The following MS4A5 variants were observed in gnomAD, a reference collection of about 807,000 sequenced individuals.
MS4A5 encodes the protein membrane spanning 4-domains A5, also known as membrane-spanning 4-domains subfamily A member 5.
Under a neutral mutation model 18.2 loss-of-function variants are expected in MS4A5, and 15 were observed. The observed-to-expected ratio is 0.83, with a 90% CI of 0.55 to 1.27. The LOEUF (loss-of-function observed/expected upper bound fraction) is 1.27, where lower values mean the gene tolerates loss of function less well. Among genes scored for constraint, MS4A5 ranks in the 50% most tolerant of loss-of-function variants. MS4A5 has a pLI of 0.00. For synonymous variants in MS4A5, 89 were observed against 78.7 expected (o/e 1.13, Z -0.69); for missense variants, 232 against 225.7 (o/e 1.03, Z -0.18).
chr11:60,444,677 T>C (rs2086130331), intron 4 of MS4A5, among the ~76,000 whole-genome samples: 1 of 152,156 alleles, frequency 6.6e-6, no homozygotes, highest in Non-Finnish European at 1.5e-5. Flanking sequence ...ACATTATTAA[T>C]CATCAGATAA....
intron 4 of MS4A5, among the ~76,000 whole-genome samples, chr11:60,436,924 C>T (rs1197618976): frequency 1.5e-5 from 2 of 132,190 alleles, no homozygotes; most frequent in East Asian, 4.2e-4. Context: ...ACAGAGAACG[C>T]CACAAAGATA....
intron 1 of MS4A5, 83 bp from the exon 2 acceptor site, chr11:60,430,713 T>G: frequency 2.0e-6 from 3 of 1,528,598 alleles, no homozygotes; most frequent in Non-Finnish European, 2.7e-6. Context: ...TGCCAAATCC[T>G]TTTGACCAAA....
intron 4 of MS4A5, 57 bp from the exon 5 acceptor site, chr11:60,447,592 C>G (rs1244918979): frequency 2.1e-6 from 2 of 934,976 alleles, no homozygotes; most frequent in Non-Finnish European, 3.2e-6. Flanking sequence ...ATCAGGAAAA[C>G]CGTTACTGTG....
Position 60,447,763 on chromosome 11 carries a change from G to C in MS4A5, c.*4G>C. The C allele has an allele frequency of 1.3e-6, 2 of 1,510,106 alleles. No homozygotes were observed. The highest frequency in any genetic ancestry group is 9.1e-7 in the Non-Finnish European group (1 of 1,100,374). The allele number at this position is 1,510,106 out of a possible 1,614,324, so 93.5% of individuals were successfully genotyped here. A position where few individuals can be genotyped will look rare whatever the true frequency, so the allele number is the denominator to read the frequency against. ...TGATTGTGAACAATGTTGTTGACTA[G>C]CACTGTGAGAATAAAGATGTGTTAA... is the stretch of plus-strand genomic sequence containing the variant. On this transcript the variant is annotated 3_prime_UTR_variant, in exon 5 of 5. Transcript: ENST00000300190.
chr11:60,442,717 C>T (rs931995880), intron 4 of MS4A5, among the ~76,000 whole-genome samples: 3 of 152,198 alleles, frequency 2.0e-5, no homozygotes, highest in African/African-American at 7.2e-5. Flanking sequence ...TACAACAGAT[C>T]TCTTGAACTT....
intron 4 of MS4A5, among the ~76,000 whole-genome samples, chr11:60,439,924 A>C (rs2086101140): frequency 9.0e-6 from 1 of 110,746 alleles, no homozygotes; most frequent in Non-Finnish European, 1.9e-5. Context: ...GGAAAAAACT[A>C]TTTTAAAGTT....
chr11:60,434,025 T>C, intron 4 of MS4A5, 108 bp downstream of exon 4: 1 of 968,018 alleles, frequency 1.0e-6, no homozygotes. Context: ...TGTATTTTCT[T>C]TTACTGACAA....
chr11:60,430,827 T>C lies in MS4A5; in HGVS notation c.185T>C (p.Phe62Ser). The C allele has an allele frequency of 6.2e-7, 1 of 1,613,324 alleles. No homozygotes were observed. The highest frequency in any genetic ancestry group is 8.5e-7 in the Non-Finnish European group (1 of 1,179,898). ...CAGATCCTGTTTGGAATTATGACCT[T>C]TTCTTTTGGAGTTATCTTCCTTTTC... ...TIQILFGIMT[F>S]SFGVIFLFTL... is the part of the protein sequence containing the mutation. Residue 62 changes from phenylalanine to serine, a missense_variant, in exon 2 of 5, where the codon TTT becomes TCT. Transcript: ENST00000300190.
In MS4A5 at chr11:60,436,483, G is replaced by C. The variant is rs2086081355; in HGVS notation, c.492+2566G>C. On this transcript the variant is annotated intron_variant, in intron 4 of 4. Coordinates refer to ENST00000300190, the MANE Select transcript of MS4A5 (RefSeq NM_023945.3). ...ACGATCAAATTACTCTGAGCTATGG[G>C]AGGACATTCAAACCAAAGGCAAAGA... Among the ~76,000 whole-genome samples the C allele has an allele frequency of 1.5e-5, 2 of 136,980 alleles. 1 individual carries two copies. The highest frequency in any genetic ancestry group is 4.7e-4 in the South Asian group (2 of 4,236). 89.9% of individuals were successfully genotyped at this position (136,980 alleles called of 152,430 possible). A position where few individuals can be genotyped will look rare whatever the true frequency, so the allele number is the denominator to read the frequency against.
At position 60,429,841 on chromosome 11, in the gene MS4A5, G is replaced by T. The variant is rs759870217; in HGVS notation, c.153+14G>T. On this transcript the variant is annotated intron_variant, in intron 1 of 4. Coordinates refer to ENST00000300190, the MANE Select transcript of MS4A5 (RefSeq NM_023945.3). Reference sequence around the variant, plus strand: ...AAAATCTTAGGGGTAAGTAAGACTTGCCCCTATGTATATTTTACTGAGGCA... The same window carrying T: ...AAAATCTTAGGGGTAAGTAAGACTTTCCCCTATGTATATTTTACTGAGGCA... 12 of 1,608,398 alleles carry T rather than the reference G, an allele frequency of 7.5e-6. No homozygotes were observed. The East Asian group carries it at 1.1e-4, about 15-fold the overall frequency.
rs370526625 is a variant in MS4A5, at chr11:60,433,795, A to T, written c.370A>T (p.Ser124Cys). ...ATTGAGCCGAATAATGAATTTTCTT[A>T]GTGCCCTGGGAGCAATAGCTGGAAT... ...IILSRIMNFL[S>C]ALGAIAGIIL... The change falls in exon 4 of 5, where the codon AGT (serine) becomes TGT (cysteine). Residue 124 changes from serine (S) to cysteine (C), a missense_variant. Ser to Cys is a moderately radical substitution (Grantham distance 112). Transcript: ENST00000300190. 6 of 1,613,862 alleles carry T rather than the reference A, an allele frequency of 3.7e-6. No individual in the cohort carries two copies. The highest frequency in any genetic ancestry group is 5.1e-6 in the Non-Finnish European group (6 of 1,179,832).
chr11:60,435,002 A>C (rs557545068), intron 4 of MS4A5, among the ~76,000 whole-genome samples: 1 of 152,372 alleles, frequency 6.6e-6, no homozygotes, highest in South Asian at 2.1e-4. Flanking sequence ...CGCTGAACAA[A>C]GTTTAAAAAG....
At chr11:60,442,848 G>A (rs913722377) in intron 4 of MS4A5, among the ~76,000 whole-genome samples, 47 of 152,216 alleles carry the variant, frequency 3.1e-4, no homozygotes, top group Non-Finnish European at 5.6e-4. Context: ...CTTCAAAAAT[G>A]AAAGTGAAAT....
intron 4 of MS4A5, among the ~76,000 whole-genome samples, chr11:60,438,152 A>G (rs1224063912): frequency 6.6e-6 from 1 of 152,108 alleles, no homozygotes; most frequent in Non-Finnish European, 1.5e-5. Context: ...TGGAAACAGA[A>G]CAACCTGCTC....
At chr11:60,441,289 A>AG (rs1179211853) in intron 4 of MS4A5, among the ~76,000 whole-genome samples, 28 of 100,342 alleles carry the variant, frequency 2.8e-4, no homozygotes, top group African/African-American at 8.8e-4. Context: ...GGGTGGAGGG[A>AG]GGGGGGGAGG....
Position 60,429,841 on chromosome 11 carries a change from G to C in MS4A5, c.153+14G>C. On this transcript the variant is annotated intron_variant, in intron 1 of 4. Coordinates refer to ENST00000300190, the MANE Select transcript of MS4A5 (RefSeq NM_023945.3). ...AAAATCTTAGGGGTAAGTAAGACTT[G>C]CCCCTATGTATATTTTACTGAGGCA... 1 of 1,608,516 alleles carries C rather than the reference G, an allele frequency of 6.2e-7. No individual in the cohort carries two copies. The highest frequency in any genetic ancestry group is 8.5e-7 in the Non-Finnish European group (1 of 1,177,378).
In MS4A5 at chr11:60,430,923, T is replaced by C; in HGVS notation, c.281T>C (p.Leu94Ser). ...LSGYPFWGSV[L>S]FINSGAFLIA... Reference sequence around the variant, plus strand: ...GGATATCCATTCTGGGGCTCTGTTTTGGTGAGTATAGTCAATCAAGTTCAA... The same window carrying C: ...GGATATCCATTCTGGGGCTCTGTTTCGGTGAGTATAGTCAATCAAGTTCAA... The change falls in exon 2 of 5, where the codon TTG (leucine) becomes TCG (serine). Residue 94 changes from leucine (L) to serine (S), a missense_variant and splice_region_variant. Coordinates refer to ENST00000300190, the MANE Select transcript of MS4A5 (RefSeq NM_023945.3). 9.3e-6 allele frequency: 15 copies of C among 1,610,930 alleles called. No individual in the cohort carries two copies. Among genetic ancestry groups the C allele is most frequent in the Non-Finnish European group, 1.2e-5 (14 of 1,179,510 alleles).
intron 4 of MS4A5, 46 bp from the exon 5 acceptor site, chr11:60,447,603 C>T (rs769597523): frequency 9.3e-7 from 1 of 1,074,624 alleles, no homozygotes; most frequent in East Asian, 2.6e-5. Flanking sequence ...CGTTACTGTG[C>T]CAACATCATG....
At chr11:60,431,900 T>A (rs2086050290) in intron 2 of MS4A5, among the ~76,000 whole-genome samples, 1 of 152,102 alleles carries the variant, frequency 6.6e-6, no homozygotes, top group African/African-American at 2.4e-5. Flanking sequence ...AACATGGAAG[T>A]GCTGTAATCA....
Sources: gnomAD v4.1 joint callset for allele counts (sites outside exome capture counted in the v4.1 genomes callset) on GRCh38, gnomAD v4.1.1 for gene constraint, MANE v1.5 for transcripts, NCBI Gene and HGNC (gene_info 2026-07-23, HGNC 2026-07-21) for gene names.